The following CHN2 variants were observed in gnomAD, a reference collection of about 807,000 sequenced individuals.
CHN2 encodes the protein beta-chimaerin.
A neutral mutation model predicts 56.3 loss-of-function variants in CHN2; 35 were observed. That is an observed-to-expected ratio of 0.62 (90% CI 0.47 to 0.82). The LOEUF (loss-of-function observed/expected upper bound fraction) is 0.82. Ranked by LOEUF, CHN2 falls within the 40% of genes least tolerant of loss-of-function variation. The pLI, the probability that CHN2 is intolerant of heterozygous loss-of-function variation, is 0.00. For missense variants in CHN2, 491 were observed against 580.5 expected, an observed-to-expected ratio of 0.85 and a Z score of 1.58; for synonymous variants, 210 against 212.8, an observed-to-expected ratio of 0.99 and a Z score of 0.12.
In CHN2 at chr7:29,174,658, C is replaced by T. The variant is rs572100997; in HGVS notation, c.274+27698C>T. ...GGCGGATCACCTGAGGTCAGGAGTT[C>T]GAGATCAGCCTGGCCAACATGGTGA... is the stretch of plus-strand genomic sequence containing the variant. On this transcript the variant is annotated intron_variant, in intron 2 of 6. Transcript: ENST00000439384. Among the ~76,000 whole-genome samples, 36 of 152,180 alleles carry T rather than the reference C, an allele frequency of 2.4e-4. No individual in the cohort carries two copies. The South Asian group carries it at 3.7e-3, about 16-fold the overall frequency.
intron 6 of CHN2, among the ~76,000 whole-genome samples, chr7:29,466,193 T>C (rs184201257): frequency 6.7e-6 from 1 of 149,926 alleles, no homozygotes; most frequent in East Asian, 2.0e-4. Context: ...CAGAGTGAAA[T>C]TGTCAAAATA....
At chr7:29,413,370 C>A (rs976079602) in intron 6 of CHN2, among the ~76,000 whole-genome samples, 3 of 152,198 alleles carry the variant, frequency 2.0e-5, no homozygotes, top group African/African-American at 7.2e-5. Flanking sequence ...GTGGGCTATG[C>A]GTGTCCCAAC....
At chr7:29,505,402 C>G (rs1219801313) in intron 10 of CHN2, among the ~76,000 whole-genome samples, 1 of 152,166 alleles carries the variant, frequency 6.6e-6, no homozygotes, top group Non-Finnish European at 1.5e-5. Flanking sequence ...GGAAGCCCTA[C>G]TGGATAGAGC....
In CHN2 at chr7:29,466,063, G is replaced by A. The variant is rs1037398288; in HGVS notation, c.577-14216G>A. Among the ~76,000 whole-genome samples the A allele has an allele frequency of 7.2e-5, 11 of 152,106 alleles. 1 individual carries two copies. The highest frequency in any genetic ancestry group is 1.3e-4 in the Non-Finnish European group (9 of 68,030). ...TATTAAAAATATGAAAATTAGCAAG[G>A]TGTTGGGGGTGCACCTGTATCCCAG... On this transcript the variant is annotated intron_variant, in intron 6 of 12. Transcript: ENST00000222792.
intron 6 of CHN2, among the ~76,000 whole-genome samples, chr7:29,437,271 C>T (rs1054977762): frequency 6.6e-6 from 1 of 152,150 alleles, no homozygotes; most frequent in Non-Finnish European, 1.5e-5. Flanking sequence ...ATTTCCAAGG[C>T]CATATGCTGG....
intron 6 of CHN2, among the ~76,000 whole-genome samples, chr7:29,479,443 G>A (rs1786892699): frequency 6.6e-6 from 1 of 152,174 alleles, no homozygotes; most frequent in Admixed American, 6.5e-5. Flanking sequence ...AACTCAGAGT[G>A]GAAAAGCTTT....
At position 29,367,959 on chromosome 7, in the gene CHN2, G is replaced by T; in HGVS notation, c.116G>T (p.Arg39Leu). The T allele has an allele frequency of 6.2e-7, 1 of 1,610,384 alleles. No homozygotes were observed. Residue 39 changes from arginine (R) to leucine (L), a missense_variant, in exon 3 of 13, where the codon CGT becomes CTT. Transcript: ENST00000222792. The stretch of plus-strand genomic sequence containing the variant: ...TATCAGTTACAGCAAGAGGCACCTC[G>T]TCCCAAGAGAATCATTTGTCCTCGG... Reference protein sequence around the residue: ...YLYQLQQEAPRPKRIICPREV... With the variant: ...YLYQLQQEAPLPKRIICPREV...
chr7:29,457,365 CA>C (rs952586822), intron 6 of CHN2, among the ~76,000 whole-genome samples: 1 of 152,096 alleles, frequency 6.6e-6, no homozygotes, highest in Non-Finnish European at 1.5e-5. Flanking sequence ...AAAGGGAGAC[CA>C]TGTTCCTTGC....
intron 3 of CHN2, among the ~76,000 whole-genome samples, chr7:29,392,443 G>A (rs555423464): frequency 1.3e-5 from 2 of 152,272 alleles, no homozygotes; most frequent in South Asian, 4.2e-4. Context: ...AAATGACACC[G>A]AGCAGGCTTT....
At chr7:29,468,999 C>T (rs11975167) in intron 6 of CHN2, among the ~76,000 whole-genome samples, 3,551 of 152,256 alleles carry the variant, frequency 0.023, 129 homozygotes, top group African/African-American at 0.076. Flanking sequence ...CCAACTGCCT[C>T]AATGTTCCTA....
intron 2 of CHN2, among the ~76,000 whole-genome samples, chr7:29,153,661 C>A (rs1793929149): frequency 6.6e-6 from 1 of 152,134 alleles, no homozygotes; most frequent in Non-Finnish European, 1.5e-5. Flanking sequence ...CCTCCGCCTC[C>A]CAGGTTCAAG....
chr7:29,179,756 G>A (rs1198330578), intron 2 of CHN2, among the ~76,000 whole-genome samples: 1 of 152,130 alleles, frequency 6.6e-6, no homozygotes, highest in Non-Finnish European at 1.5e-5. Context: ...CAAAACACGG[G>A]TAAGAACTGG....
At chr7:29,426,246 G>A (rs1325019343) in intron 6 of CHN2, among the ~76,000 whole-genome samples, 1 of 150,218 alleles carries the variant, frequency 6.7e-6, no homozygotes, top group African/African-American at 2.5e-5. Flanking sequence ...CTGCAAGAGA[G>A]GTTAATGGAT....
chr7:29,402,723 C>T (rs538051506), intron 6 of CHN2, among the ~76,000 whole-genome samples: 58 of 152,218 alleles, frequency 3.8e-4, no homozygotes, highest in African/African-American at 7.5e-4. Flanking sequence ...GTGTTAGGGC[C>T]GACTTGAGAT....
At chr7:29,207,073 T>C (rs1256038119) in intron 1 of CHN2, among the ~76,000 whole-genome samples, 1 of 152,240 alleles carries the variant, frequency 6.6e-6, no homozygotes. Context: ...AGTCATTGAA[T>C]TGTTTGCTTT....
intron 1 of CHN2, among the ~76,000 whole-genome samples, chr7:29,325,425 A>G (rs776898166): frequency 2.6e-5 from 4 of 152,180 alleles, no homozygotes; most frequent in Non-Finnish European, 5.9e-5. Flanking sequence ...AGGAAAGCCA[A>G]TGGCAGCTGG....
At chr7:29,204,422 T>G (rs1483942272) in intron 1 of CHN2, among the ~76,000 whole-genome samples, 1 of 152,228 alleles carries the variant, frequency 6.6e-6, no homozygotes, top group Non-Finnish European at 1.5e-5. Flanking sequence ...TTGATTTAAG[T>G]TGCTCATTCA....
At chr7:29,287,629 A>G (rs1454471277) in intron 1 of CHN2, among the ~76,000 whole-genome samples, 1 of 152,064 alleles carries the variant, frequency 6.6e-6, no homozygotes, top group Non-Finnish European at 1.5e-5. Flanking sequence ...CTAAAATGAG[A>G]CCCACCCCTT....
At chr7:29,465,609 C>CT (rs1785493369) in intron 6 of CHN2, among the ~76,000 whole-genome samples, 1 of 152,218 alleles carries the variant, frequency 6.6e-6, no homozygotes, top group South Asian at 2.1e-4. Flanking sequence ...GCTTACTTAG[C>CT]TCCAGAGTCT....
Sources: gnomAD v4.1 joint callset for allele counts (sites outside exome capture counted in the v4.1 genomes callset) on GRCh38, gnomAD v4.1.1 for gene constraint, MANE v1.5 for transcripts, NCBI Gene and HGNC (gene_info 2026-07-23, HGNC 2026-07-21) for gene names.